Variants in LINGO2 observed in about 807,000 individuals in gnomAD.
The protein encoded by LINGO2 is leucine rich repeat and Ig domain containing 2, also known as leucine-rich repeat and immunoglobulin-like domain-containing nogo receptor-interacting protein 2.
LINGO2 carries 14 observed loss-of-function variants against 30.6 expected under a neutral mutation model. The ratio of observed to expected loss-of-function variants is 0.46; its 90% CI spans 0.30 to 0.72. The LOEUF (loss-of-function observed/expected upper bound fraction) is 0.72. Among genes scored for constraint, LINGO2 ranks in the 30% least tolerant of loss-of-function variants. The pLI, the probability that LINGO2 is intolerant of heterozygous loss-of-function variation, is 0.07. For missense variants in LINGO2, 729 were observed against 751.7 expected, an observed-to-expected ratio of 0.97 and a Z score of 0.35; for synonymous variants, 317 against 288.5, an observed-to-expected ratio of 1.10 and a Z score of -1.00.
intron 2 of LINGO2, among the ~76,000 whole-genome samples, chr9:28,465,585 C>T (rs1328479817): frequency 5.9e-5 from 9 of 152,100 alleles, no homozygotes; most frequent in Non-Finnish European, 1.5e-5. Context: ...CCCTCTTTTA[C>T]CCAATATTTC....
intron 3 of LINGO2, among the ~76,000 whole-genome samples, chr9:28,354,423 A>G (rs939313565): frequency 7.2e-5 from 11 of 152,212 alleles, no homozygotes; most frequent in African/African-American, 2.7e-4. Flanking sequence ...CTCCCAAATT[A>G]CATATCAATA....
intron 4 of LINGO2, among the ~76,000 whole-genome samples, chr9:28,154,262 A>AT (rs150429081): frequency 0.044 from 6,672 of 152,158 alleles, 217 homozygotes; most frequent in Admixed American, 0.085. Context: ...CGCTTGTCAT[A>AT]TTTTTTTACC....
intron 1 of LINGO2, among the ~76,000 whole-genome samples, chr9:28,667,697 T>C (rs1249294276): frequency 6.6e-6 from 1 of 152,140 alleles, no homozygotes; most frequent in Non-Finnish European, 1.5e-5. Flanking sequence ...TGAGCCGAGA[T>C]TGTGCCACTG....
At chr9:28,747,434 C>G in the LINGO2 span, among the ~76,000 whole-genome samples, 1 of 152,022 alleles carries the variant, frequency 6.6e-6, no homozygotes, top group South Asian at 2.1e-4. Flanking sequence ...GGACGTTGGA[C>G]AAAGACCTGG....
intron 2 of LINGO2, among the ~76,000 whole-genome samples, chr9:28,379,034 A>G (rs1227628887): frequency 2.6e-5 from 4 of 152,122 alleles, no homozygotes; most frequent in Admixed American, 6.5e-5. Context: ...TTGAACCACA[A>G]AGAGCTCTCC....
intron 4 of LINGO2, among the ~76,000 whole-genome samples, chr9:28,066,735 G>A (rs1359279296): frequency 1.3e-5 from 2 of 152,060 alleles, no homozygotes; most frequent in Non-Finnish European, 2.9e-5. Flanking sequence ...GGGTCTTTAA[G>A]AAACCCTTCT....
chr9:28,958,991 G>C, the LINGO2 span, among the ~76,000 whole-genome samples: 1 of 152,206 alleles, frequency 6.6e-6, no homozygotes, highest in Non-Finnish European at 1.5e-5. Flanking sequence ...AGATAACTTT[G>C]TGGTAGAACT....
At chr9:28,066,253 A>G (rs895927662) in intron 4 of LINGO2, among the ~76,000 whole-genome samples, 6 of 152,096 alleles carry the variant, frequency 3.9e-5, no homozygotes, top group Admixed American at 2.0e-4. Flanking sequence ...AACACTCACA[A>G]TACATCTGTG....
At chr9:28,163,764 C>A (rs150989124) in intron 4 of LINGO2, among the ~76,000 whole-genome samples, 13 of 152,282 alleles carry the variant, frequency 8.5e-5, no homozygotes, top group African/African-American at 2.9e-4. Flanking sequence ...AGCATCACCA[C>A]ACACCCCACA....
At position 28,147,465 on chromosome 9, in the gene LINGO2, G is replaced by T. The variant is rs544189558; in HGVS notation, c.-86-135060C>A. Among the ~76,000 whole-genome samples, 10 of 152,314 alleles carry T rather than the reference G, an allele frequency of 6.6e-5. No individual in the cohort carries two copies. The East Asian group carries it at 1.9e-3, about 29-fold the overall frequency. ...CGAGGCTGGTGGCCCTTGAGGCCAC[G>T]GCAGCCATGGAGAAGGCGGGCCTGG... is the stretch of plus-strand genomic sequence containing the variant. On this transcript the variant is annotated intron_variant, in intron 4 of 5. Coordinates refer to ENST00000379992, the Ensembl canonical transcript of LINGO2. This position sits in a 1 kb window ranked among gnomAD's most constrained non-coding sequence, Gnocchi z 4.7.
chr9:28,753,963 AT>A, the LINGO2 span, among the ~76,000 whole-genome samples: 10 of 151,376 alleles, frequency 6.6e-5, no homozygotes, highest in African/African-American at 1.7e-4. Flanking sequence ...ATGAATTTTG[AT>A]TTTTTTCCAC....
chr9:28,047,634 T>C (rs1269861499), intron 4 of LINGO2, among the ~76,000 whole-genome samples: 1 of 150,720 alleles, frequency 6.6e-6, no homozygotes, highest in Non-Finnish European at 1.5e-5. Flanking sequence ...GGGAGAGTTA[T>C]GGTGATAGTA....
chr9:28,972,856 C>T, the LINGO2 span, among the ~76,000 whole-genome samples: 2 of 152,202 alleles, frequency 1.3e-5, no homozygotes, highest in Middle Eastern at 3.4e-3. Context: ...TTCACTGTCA[C>T]GAGAACAGCA....
chr9:28,926,377 G>GT, the LINGO2 span, among the ~76,000 whole-genome samples: 21 of 152,116 alleles, frequency 1.4e-4, no homozygotes, highest in Non-Finnish European at 2.5e-4. Context: ...CTACAGTGAA[G>GT]TTTTATCACA....
At chr9:28,412,354 T>A (rs10812812) in intron 2 of LINGO2, among the ~76,000 whole-genome samples, 24,601 of 152,086 alleles carry the variant, frequency 0.16, 2,273 homozygotes, top group East Asian at 0.42. Flanking sequence ...TCTTTTAAAA[T>A]ATCTATTCAA....
the LINGO2 span, among the ~76,000 whole-genome samples, chr9:29,156,471 C>T: frequency 6.6e-6 from 1 of 152,038 alleles, no homozygotes. Context: ...TCATTTAAAT[C>T]TGGGTTTCTT....
chr9:28,234,387 A>G (rs1245312663), intron 4 of LINGO2, among the ~76,000 whole-genome samples: 1 of 152,144 alleles, frequency 6.6e-6, no homozygotes, highest in Non-Finnish European at 1.5e-5. Context: ...AAAACTCAGT[A>G]TGGGTAATAT....
chr9:28,612,543 T>G (rs1433255143), intron 1 of LINGO2, among the ~76,000 whole-genome samples: 3 of 152,176 alleles, frequency 2.0e-5, no homozygotes, highest in Admixed American at 2.0e-4. Context: ...GCTTTATGAT[T>G]TGACCATCCC....
chr9:28,060,068 CTAT>C (rs1825095563), intron 4 of LINGO2, among the ~76,000 whole-genome samples: 1 of 151,754 alleles, frequency 6.6e-6, no homozygotes, highest in Admixed American at 6.6e-5. Flanking sequence ...ATAATAATCA[CTAT>C]TATTACAAAA....
Sources: allele counts gnomAD v4.1 joint callset (sites outside exome capture counted in the v4.1 genomes callset), GRCh38; gene constraint gnomAD v4.1.1; non-coding constraint Gnocchi (gnomAD v3.1); transcripts MANE v1.5; gene names NCBI Gene and HGNC (gene_info 2026-07-23, HGNC 2026-07-21).